SLC22A25: variants seen among roughly 807,000 people sequenced by gnomAD.
SLC22A25 encodes the protein MGI:2442751, MGI:2385316, MGI:3042283, MGI:3645714, MGI:3605624, MGI:2442750.
A neutral mutation model predicts 45.9 loss-of-function variants in SLC22A25; 44 were observed. That is an observed-to-expected ratio of 0.96 (90% confidence interval 0.75 to 1.23). The LOEUF (loss-of-function observed/expected upper bound fraction) is 1.23. Ranked by LOEUF, SLC22A25 falls within the 50% of genes most tolerant of loss-of-function variation. The pLI, the probability that SLC22A25 is intolerant of heterozygous loss-of-function variation, is 0.00. For synonymous variants in SLC22A25, 283 were observed against 238.6 expected (o/e 1.19, Z -1.72); for missense variants, 800 against 666.4 (o/e 1.20, Z -2.21).
At chr11:63,230,722 A>T (rs1590913785) in intron 3 of SLC22A25, among the ~76,000 whole-genome samples, 1 of 152,330 alleles carries the variant, frequency 6.6e-6, no homozygotes, top group East Asian at 1.9e-4. Context: ...ACATATGTAT[A>T]CGTGTGCCAT....
chr11:63,240,103 GTTACTTCACTGAATACTGTAGGCAA>G (rs1259934061), intron 1 of SLC22A25, among the ~76,000 whole-genome samples: 1 of 152,146 alleles, frequency 6.6e-6, no homozygotes, highest in African/African-American at 2.4e-5. Flanking sequence ...TGTACAGTAT[GTTACTTCACTGAATACTGTAGGCAA>G]TTATAATACA....
chr11:63,216,885 A>AT (rs915348390), intron 7 of SLC22A25, among the ~76,000 whole-genome samples: 52 of 152,158 alleles, frequency 3.4e-4, no homozygotes, highest in Non-Finnish European at 6.0e-4. Flanking sequence ...AGCAGCAATG[A>AT]TTTTTTTAGT....
intron 4 of SLC22A25, 80 bp downstream of exon 4, chr11:63,229,171 A>C (rs986389535): frequency 7.1e-7 from 1 of 1,411,158 alleles, no homozygotes; most frequent in African/African-American, 1.4e-5. Context: ...ATGTGACTAA[A>C]GGCTGGAAGC....
chr11:63,182,393 A>G (rs1006305896), intron 8 of SLC22A25, among the ~76,000 whole-genome samples: 1 of 151,796 alleles, frequency 6.6e-6, no homozygotes, highest in African/African-American at 2.4e-5. Flanking sequence ...TATTGGGCCA[A>G]CCTTGTAGGT....
At chr11:63,194,266 C>G (rs879361337) in intron 7 of SLC22A25, among the ~76,000 whole-genome samples, 1 of 151,998 alleles carries the variant, frequency 6.6e-6, no homozygotes, top group African/African-American at 2.4e-5. Context: ...GAGAACTTCC[C>G]CAACCTAGCA....
intron 3 of SLC22A25, among the ~76,000 whole-genome samples, chr11:63,235,892 G>A (rs1442327341): frequency 2.6e-5 from 4 of 152,328 alleles, no homozygotes; most frequent in African/African-American, 9.6e-5. Flanking sequence ...GTCTGTGGGA[G>A]TTTACTGGAG....
intron 7 of SLC22A25, among the ~76,000 whole-genome samples, chr11:63,195,012 T>C (rs573622395): frequency 1.4e-4 from 21 of 147,428 alleles, no homozygotes; most frequent in African/African-American, 5.3e-4. Flanking sequence ...AGAAGGCCAT[T>C]ACATAATGGT....
At chr11:63,230,907 T>A (rs530579541) in intron 3 of SLC22A25, among the ~76,000 whole-genome samples, 2 of 152,302 alleles carry the variant, frequency 1.3e-5, no homozygotes, top group Admixed American at 6.5e-5. Context: ...GGTGTTTGGT[T>A]TTTTGTCCTT....
chr11:63,163,849 G>C lies in SLC22A25; in HGVS notation c.1619C>G (p.Ala540Gly). The part of the protein sequence containing the change: ...VENEGVNSLA[A>G]PQRSSVL ...CTATAGCACAGAGCTCCTCTGAGGG[G>C]CAGCTAGGCTATTTACTCCCTCATT... The change falls in exon 12 of 12, where the codon GCC becomes GGC. Residue 540 changes from alanine (A) to glycine (G), a missense_variant. By Grantham distance (60) the Ala-to-Gly change is moderately conservative (BLOSUM62 0). Coordinates refer to ENST00000306494, the MANE Select transcript of SLC22A25 (RefSeq NM_199352.6). 1 of 1,613,704 alleles carries C rather than the reference G, an allele frequency of 6.2e-7. No homozygotes were observed. The highest frequency in any genetic ancestry group is 8.5e-7 in the Non-Finnish European group (1 of 1,179,798).
At chr11:63,237,543 A>T (rs189632776) in intron 3 of SLC22A25, among the ~76,000 whole-genome samples, 2 of 152,194 alleles carry the variant, frequency 1.3e-5, no homozygotes, top group Non-Finnish European at 2.9e-5. Context: ...CTCCATAAAC[A>T]TGAACCAAAT....
rs1246303485 is a variant in SLC22A25, at chr11:63,189,844, C to A, written c.831-6027G>T. 3.9e-5 allele frequency among the ~76,000 whole-genome samples: 6 copies of A among 152,314 alleles called. No individual in the cohort carries two copies. In the East Asian group the frequency reaches 9.6e-4, roughly 24 times the overall value. ...GATATGAAATTCTGGGTTGAAAATTCTTTTCTTTAAGAACGTTGAATATTG... is the reference window on the plus strand; with the variant it reads ...GATATGAAATTCTGGGTTGAAAATTATTTTCTTTAAGAACGTTGAATATTG... On this transcript the variant is annotated intron_variant, in intron 7 of 11. Transcript: ENST00000306494.
rs1364695836 is a variant in SLC22A25 at position 63,235,518 on chromosome 11, G to T, written c.-445+2363C>A. 1.3e-5 allele frequency among the ~76,000 whole-genome samples: 2 copies of T among 152,242 alleles called. 1 individual carries two copies. Among genetic ancestry groups the T allele is most frequent in the Admixed American group, 1.3e-4 (2 of 15,292 alleles). ...CATCAGGTCCTTTAAGGACTTCTCT[G>T]CATTGGTTATTCTAGTTATCCATTC... On this transcript the variant is annotated intron_variant, in intron 3 of 11. Transcript: ENST00000306494.
intron 9 of SLC22A25, chr11:63,167,713 G>C (rs2087732403): frequency 6.5e-6 from 1 of 153,874 alleles, no homozygotes; most frequent in Non-Finnish European, 1.4e-5. Context: ...AGAGCACTTT[G>C]GGGAAGGGGT....
intron 7 of SLC22A25, among the ~76,000 whole-genome samples, chr11:63,203,486 A>T (rs1333461165): frequency 1.3e-5 from 2 of 151,972 alleles, no homozygotes; most frequent in Non-Finnish European, 1.5e-5. Flanking sequence ...GCTGCAAAAC[A>T]CAGCATGAGA....
At chr11:63,183,355 C>A (rs536881176) in intron 8 of SLC22A25, among the ~76,000 whole-genome samples, 16 of 152,192 alleles carry the variant, frequency 1.1e-4, no homozygotes, top group African/African-American at 2.6e-4. Context: ...GTCCTTATTA[C>A]CCTGAAAGAA....
Position 63,160,058 on chromosome 11 carries a change from A to G in SLC22A25, c.*3766T>C, listed in dbSNP as rs2087521141. Among the ~76,000 whole-genome samples the G allele has an allele frequency of 6.6e-6, 1 of 152,176 alleles. No homozygotes were observed. Among genetic ancestry groups the G allele is most frequent in the African/African-American group, 2.4e-5 (1 of 41,436 alleles). On this transcript the variant is annotated 3_prime_UTR_variant, in exon 12 of 12. Transcript: ENST00000306494. The stretch of plus-strand genomic sequence containing the variant: ...GTCAGTTTTAAAAGGGAAACTCAGC[A>G]AAAAAGTTTGAAAAATTTGCAGCCT...
intron 5 of SLC22A25, among the ~76,000 whole-genome samples, chr11:63,220,313 C>T (rs1460910802): frequency 6.6e-6 from 1 of 152,174 alleles, no homozygotes; most frequent in Non-Finnish European, 1.5e-5. Flanking sequence ...GCCATCAGCA[C>T]ACAATGTCCA....
chr11:63,235,537 T>C (rs200093858), intron 3 of SLC22A25, among the ~76,000 whole-genome samples: 1 of 152,174 alleles, frequency 6.6e-6, no homozygotes, highest in South Asian at 2.1e-4. Flanking sequence ...ATTCTAGTTA[T>C]CCATTCATCT....
rs891366905 is a variant in SLC22A25, at chr11:63,161,142, A to G, written c.*2682T>C. On this transcript the variant is annotated 3_prime_UTR_variant, in exon 12 of 12. Transcript: ENST00000306494. ...GATTCCCATGTAGTCAGTGCCTTTT[A>G]TCTAGGTACAGCCTCATCCTTTTGT... 2.6e-5 allele frequency among the ~76,000 whole-genome samples: 4 copies of G among 152,212 alleles called. No individual in the cohort carries two copies. The highest frequency in any genetic ancestry group is 3.4e-3 in the Middle Eastern group (1 of 294).
Sources: allele counts gnomAD v4.1 joint callset (sites outside exome capture counted in the v4.1 genomes callset), GRCh38; gene constraint gnomAD v4.1.1; transcripts MANE v1.5; gene names NCBI Gene and HGNC (gene_info 2026-07-23, HGNC 2026-07-21).